Variants in ABHD12 observed in about 807,000 individuals in gnomAD.
ABHD12 encodes abhydrolase domain containing 12, lysophospholipase, also known as lysophosphatidylserine lipase ABHD12.
ABHD12 carries 43 observed loss-of-function variants against 58.3 expected under a neutral mutation model. The observed-to-expected ratio is 0.74, with a 90% CI of 0.58 to 0.95. The LOEUF (loss-of-function observed/expected upper bound fraction) is 0.95. ABHD12 is among the 40% of genes least tolerant of loss of function. ABHD12 has a pLI of 0.00. For synonymous variants in ABHD12, 219 were observed against 211.2 expected, an observed-to-expected ratio of 1.04 and a Z score of -0.32; for missense variants, 539 against 537.2, an observed-to-expected ratio of 1.00 and a Z score of -0.03.
downstream of ABHD12, chr20:25,295,662 C>T (rs2088530309): frequency 6.2e-7 from 1 of 1,613,298 alleles, no homozygotes; most frequent in South Asian, 1.1e-5. Flanking sequence ...GGTGGACCAG[C>T]TGTACCGGGT....
chr20:25,390,625 CG>C lies in ABHD12; in HGVS notation c.78del (p.Ala27ProfsTer10), dbSNP rs2090162979. The part of the protein sequence containing the change: ...AAAGSSSSGS[A>X]AAALDADCRL... ...CGGCAGTCGGCGTCCAGCGCCGCGG[CG>C]GCCGAGCCGGAGGAGGACGAGCCCG... is the stretch of plus-strand genomic sequence containing the variant. On this transcript the variant is annotated frameshift_variant, in exon 1 of 13. Coordinates refer to ENST00000339157, the MANE Select transcript of ABHD12 (RefSeq NM_001042472.3). LOFTEE classifies it high-confidence loss of function. The C allele has an allele frequency of 1.4e-6, 2 of 1,458,702 alleles. No individual in the cohort carries two copies. Among genetic ancestry groups the C allele is most frequent in the East Asian group, 6.2e-5 (2 of 32,264 alleles). The allele number at this position is 1,458,702 out of a possible 1,614,324, so 90.4% of individuals were successfully genotyped here. A position where few individuals can be genotyped will look rare whatever the true frequency, so the allele number is the denominator to read the frequency against.
intron 2 of ABHD12, among the ~76,000 whole-genome samples, chr20:25,326,078 AAAAAG>A (rs1226964818): frequency 1.0e-4 from 15 of 150,640 alleles, no homozygotes; most frequent in African/African-American, 2.4e-4. Flanking sequence ...CCAAAAAAAA[AAAAAG>A]AAAAGAAAAA....
At chr20:25,303,688 T>C in intron 10 of ABHD12, 60 bp from the exon 11 acceptor site, 1 of 1,607,022 alleles carries the variant, frequency 6.2e-7, no homozygotes. Context: ...GCCCAGACCC[T>C]CTGTCCATGG....
At chr20:25,338,041 C>T (rs979880591) in intron 2 of ABHD12, among the ~76,000 whole-genome samples, 9 of 151,950 alleles carry the variant, frequency 5.9e-5, no homozygotes, top group Non-Finnish European at 1.2e-4. Flanking sequence ...TTCTTCTTAC[C>T]GGCATTAAAA....
chr20:25,332,551 T>G (rs1195745074), intron 2 of ABHD12, among the ~76,000 whole-genome samples: 8 of 151,802 alleles, frequency 5.3e-5, no homozygotes, highest in Admixed American at 3.3e-4. Context: ...ACCACATCCT[T>G]GGAAGTAAAG....
intron 6 of ABHD12, among the ~76,000 whole-genome samples, chr20:25,310,704 C>G (rs1392556380): frequency 1.3e-5 from 2 of 151,756 alleles, no homozygotes; most frequent in African/African-American, 4.8e-5. Context: ...GAGACAGGAA[C>G]AGAGAGGCAC....
chr20:25,307,006 A>G (rs1038631040), intron 9 of ABHD12, 91 bp from the exon 10 acceptor site: 1 of 960,376 alleles, frequency 1.0e-6, no homozygotes, highest in African/African-American at 1.6e-5. Context: ...TCAGAAATCT[A>G]TAAGGCGTTG....
chr20:25,339,563 G>C (rs796556840), intron 1 of ABHD12: 3 of 1,442,242 alleles, frequency 2.1e-6, no homozygotes, highest in Non-Finnish European at 2.8e-6. Flanking sequence ...TCTACTGGGG[G>C]TAAGAGGAAC....
intron 6 of ABHD12, 39 bp from the exon 7 acceptor site, chr20:25,309,614 A>G (rs2088812084): frequency 6.2e-7 from 1 of 1,612,420 alleles, no homozygotes; most frequent in South Asian, 1.1e-5. Flanking sequence ...GGTCAAAGGC[A>G]GCTCACAAAA....
chr20:25,326,517 G>C (rs1326118017), intron 2 of ABHD12, among the ~76,000 whole-genome samples: 1 of 152,282 alleles, frequency 6.6e-6, no homozygotes, highest in African/African-American at 2.4e-5. Context: ...CCCATGGCTG[G>C]ACTCAGCTTT....
intron 11 of ABHD12, 33 bp from the exon 12 acceptor site, chr20:25,302,379 G>A (rs1412492141): frequency 6.2e-7 from 1 of 1,611,406 alleles, no homozygotes; most frequent in Admixed American, 1.7e-5. Flanking sequence ...CTGAGGCAGT[G>A]GCCTGGCATG....
At chr20:25,309,661 C>T in intron 6 of ABHD12, 86 bp from the exon 7 acceptor site, 4 of 1,583,680 alleles carry the variant, frequency 2.5e-6, no homozygotes, top group South Asian at 1.1e-5. Context: ...GGCCCAGGGC[C>T]AGGAGGAGAC....
intron 7 of ABHD12, among the ~76,000 whole-genome samples, chr20:25,309,233 T>G (rs1413684455): frequency 6.6e-6 from 1 of 152,186 alleles, no homozygotes; most frequent in Non-Finnish European, 1.5e-5. Context: ...TGCCTATGTC[T>G]GTCCTGAGCC....
chr20:25,295,784 G>C, downstream of ABHD12: 3 of 1,212,468 alleles, frequency 2.5e-6, no homozygotes, highest in Non-Finnish European at 3.6e-6. Flanking sequence ...GGCCAGAGGG[G>C]TTTGTGATTC....
chr20:25,381,921 G>C (rs1249670211), intron 1 of ABHD12, among the ~76,000 whole-genome samples: 2 of 152,126 alleles, frequency 1.3e-5, no homozygotes, highest in Non-Finnish European at 2.9e-5. Flanking sequence ...GCCTCCCAAA[G>C]TGCTGGGATT....
chr20:25,319,202 C>T (rs1026289245), intron 4 of ABHD12, among the ~76,000 whole-genome samples: 17 of 152,316 alleles, frequency 1.1e-4, no homozygotes, highest in East Asian at 9.6e-4. Flanking sequence ...GTATCCCCTC[C>T]GCACCCACCC....
intron 1 of ABHD12, among the ~76,000 whole-genome samples, chr20:25,343,009 G>A (rs1332587190): frequency 1.3e-5 from 2 of 152,078 alleles, no homozygotes; most frequent in African/African-American, 4.8e-5. Context: ...TGCCCAGGCT[G>A]GTCTCAAACT....
intron 2 of ABHD12, among the ~76,000 whole-genome samples, chr20:25,326,739 CAA>C (rs759690660): frequency 1.9e-5 from 2 of 103,760 alleles, no homozygotes; most frequent in Admixed American, 2.2e-4. Flanking sequence ...AATTATGCTT[CAA>C]AAAAAAACAA....
intron 6 of ABHD12, among the ~76,000 whole-genome samples, chr20:25,313,374 C>T (rs1316177229): frequency 1.1e-4 from 17 of 150,856 alleles, no homozygotes; most frequent in Admixed American, 2.0e-4. Flanking sequence ...TAAACAGATG[C>T]TTGAAGGCAG....
Sources: gnomAD v4.1 joint callset for allele counts (sites outside exome capture counted in the v4.1 genomes callset) on GRCh38, gnomAD v4.1.1 for gene constraint, MANE v1.5 for transcripts, NCBI Gene and HGNC (gene_info 2026-07-23, HGNC 2026-07-21) for gene names.